Variants in E2F2 observed in about 807,000 individuals in gnomAD.
E2F2 encodes the protein transcription factor E2F2.
A neutral mutation model predicts 42.2 loss-of-function variants in E2F2; 22 were observed. That is an observed-to-expected ratio of 0.52 (90% CI 0.37 to 0.74). E2F2 has a LOEUF of 0.74. Among genes scored for constraint, E2F2 ranks in the 30% least tolerant of loss-of-function variants. The pLI, the probability that E2F2 is intolerant of heterozygous loss-of-function variation, is 0.00. For synonymous variants in E2F2, 248 were observed against 251.6 expected (o/e 0.99, Z 0.13); for missense variants, 481 against 557.8 (o/e 0.86, Z 1.39).
At position 23,528,579 on chromosome 1, in the gene E2F2, C is replaced by T. The variant is rs181839074; in HGVS notation, c.252+1963G>A. Among the ~76,000 whole-genome samples the T allele has an allele frequency of 7.2e-5, 11 of 152,298 alleles. No individual in the cohort carries two copies. The East Asian group carries it at 2.1e-3, about 29-fold the overall frequency. The stretch of plus-strand genomic sequence containing the variant: ...TGACTTCCTTTCTTTGCTCAGTTTC[C>T]TTATCTGCAAGGTGCCTCATTCTGG... On this transcript the variant is annotated intron_variant, in intron 1 of 6. Coordinates refer to ENST00000361729, the MANE Select transcript of E2F2 (RefSeq NM_004091.4).
At chr1:23,527,558 G>A (rs1007520977) in intron 1 of E2F2, among the ~76,000 whole-genome samples, 2 of 152,252 alleles carry the variant, frequency 1.3e-5, no homozygotes, top group Non-Finnish European at 2.9e-5. Flanking sequence ...GCACCACGGT[G>A]AGGAAACTGG....
chr1:23,524,010 G>C (rs1440247005), intron 2 of E2F2, among the ~76,000 whole-genome samples: 2 of 151,694 alleles, frequency 1.3e-5, no homozygotes, highest in Non-Finnish European at 2.9e-5. Flanking sequence ...AGAGGTGGAG[G>C]TTGCAGGGAG....
intron 5 of E2F2, among the ~76,000 whole-genome samples, chr1:23,516,976 T>C (rs1001948335): frequency 6.6e-6 from 1 of 152,062 alleles, no homozygotes; most frequent in Non-Finnish European, 1.5e-5. Context: ...CCCACTGGGG[T>C]TGCTGAGCTG....
chr1:23,524,154 C>T (rs949310727), intron 2 of E2F2, among the ~76,000 whole-genome samples: 1 of 151,860 alleles, frequency 6.6e-6, no homozygotes, highest in African/African-American at 2.4e-5. Flanking sequence ...GGCTCTAGTC[C>T]TGACTCCACT....
chr1:23,514,887 T>C (rs928833971), intron 6 of E2F2, among the ~76,000 whole-genome samples: 4 of 151,328 alleles, frequency 2.6e-5, no homozygotes, highest in African/African-American at 9.7e-5. Flanking sequence ...TGTGGGACAC[T>C]TGTGGTCTCT....
Position 23,530,805 on chromosome 1 carries a change from CG to C in E2F2, c.-13del. 6.7e-7 allele frequency: 1 copy of C among 1,496,048 alleles called. No homozygotes were observed. Among genetic ancestry groups the C allele is most frequent in the Non-Finnish European group, 8.9e-7 (1 of 1,118,846 alleles). The allele number at this position is 1,496,048 out of a possible 1,614,324, so 92.7% of individuals were successfully genotyped here. A position where few individuals can be genotyped will look rare whatever the true frequency, so the allele number is the denominator to read the frequency against. The stretch of plus-strand genomic sequence containing the variant: ...GGCCCTTGCAGCATAGCGAGTAAGG[CG>C]CCCCCTACCCAAAAGGGCTTGGCGC... On this transcript the variant is annotated 5_prime_UTR_variant, in exon 1 of 7. Transcript: ENST00000361729. The surrounding 1 kb of genome is among the most constrained non-coding windows in gnomAD (Gnocchi z 4.4).
chr1:23,524,986 A>T (rs891185579), intron 1 of E2F2, among the ~76,000 whole-genome samples: 2 of 152,132 alleles, frequency 1.3e-5, no homozygotes, highest in African/African-American at 4.8e-5. Flanking sequence ...ATCCGCCCAG[A>T]CCCAGGGGAC....
intron 1 of E2F2, among the ~76,000 whole-genome samples, chr1:23,525,085 G>A (rs1558254716): frequency 1.3e-5 from 2 of 152,218 alleles, no homozygotes; most frequent in African/African-American, 4.8e-5. Flanking sequence ...TCCAGCTTGA[G>A]GGCCCCAGGG....
At position 23,530,910 on chromosome 1, in the gene E2F2, C is replaced by T; in HGVS notation, c.-117G>A. On this transcript the variant is annotated 5_prime_UTR_variant, in exon 1 of 7. Transcript: ENST00000361729. The surrounding 1 kb of genome is among the most constrained non-coding windows in gnomAD (Gnocchi z 4.4). ...ATGGCGCGGAGGCCGGGGGAAGCCGCCAATGGACGCCTGCGGGGCAAGGCC... is the reference window on the plus strand; with the variant it reads ...ATGGCGCGGAGGCCGGGGGAAGCCGTCAATGGACGCCTGCGGGGCAAGGCC... The T allele has an allele frequency of 7.7e-7, 1 of 1,298,334 alleles. No individual in the cohort carries two copies. The highest frequency in any genetic ancestry group is 1.0e-6 in the Non-Finnish European group (1 of 989,752). 80.4% of individuals were successfully genotyped at this position (1,298,334 alleles called of 1,614,324 possible).
intron 5 of E2F2, among the ~76,000 whole-genome samples, chr1:23,516,800 G>C (rs1004298867): frequency 5.0e-5 from 2 of 40,088 alleles, no homozygotes; most frequent in Non-Finnish European, 1.5e-4. Flanking sequence ...TTTTGGGGCG[G>C]GGGGGGGGGG....
chr1:23,524,797 G>T (rs1207379901), intron 1 of E2F2, among the ~76,000 whole-genome samples: 1 of 152,166 alleles, frequency 6.6e-6, no homozygotes, highest in African/African-American at 2.4e-5. Context: ...GCCCTAAGCC[G>T]GCTCCTATAC....
intron 6 of E2F2, among the ~76,000 whole-genome samples, chr1:23,512,351 C>T (rs999992256): frequency 6.6e-6 from 1 of 152,148 alleles, no homozygotes; most frequent in African/African-American, 2.4e-5. Flanking sequence ...AGGCGTGGTT[C>T]AGCCTCCTTG....
intron 2 of E2F2, among the ~76,000 whole-genome samples, chr1:23,522,355 A>G (rs572548534): frequency 2.6e-4 from 40 of 152,158 alleles, no homozygotes; most frequent in Admixed American, 5.2e-4. Context: ...ACCACCCACA[A>G]CTACTGTCAC....
intron 2 of E2F2, among the ~76,000 whole-genome samples, chr1:23,523,850 G>A (rs1016926320): frequency 1.3e-5 from 2 of 152,036 alleles, no homozygotes; most frequent in Admixed American, 6.6e-5. Flanking sequence ...GAGGCGGGTG[G>A]ATCATTTGAG....
rs1405708641 is a variant in E2F2 at position 23,530,987 on chromosome 1, G to A, written c.-194C>T. ...GAGCAGAGAGCAGCGCTTAGAGATC[G>A]CCGCTTGGAGATCGCCCGGCGGCTG... On this transcript the variant is annotated 5_prime_UTR_variant, in exon 1 of 7. Coordinates refer to ENST00000361729, the MANE Select transcript of E2F2 (RefSeq NM_004091.4). This position sits in a 1 kb window ranked among gnomAD's most constrained non-coding sequence, Gnocchi z 4.4. The A allele has an allele frequency of 1.7e-6, 1 of 574,558 alleles. No individual in the cohort carries two copies. Among genetic ancestry groups the A allele is most frequent in the Non-Finnish European group, 2.7e-6 (1 of 370,710 alleles). The allele number at this position is 574,558 out of a possible 1,614,324, so 35.6% of individuals were successfully genotyped here.
At chr1:23,521,667 C>T (rs1643151521) in intron 3 of E2F2, 170 bp downstream of exon 3, 1 of 985,446 alleles carries the variant, frequency 1.0e-6, no homozygotes, top group South Asian at 4.7e-5. Context: ...TGGCTCTACC[C>T]CCAGCAATAA....
chr1:23,516,804 G>GA lies in E2F2; in HGVS notation c.853-278_853-277insT, dbSNP rs1184924916. On this transcript the variant is annotated intron_variant, in intron 5 of 6. Coordinates refer to ENST00000361729, the MANE Select transcript of E2F2 (RefSeq NM_004091.4). Reference sequence around the variant, plus strand: ...AGGTCATCTAGTTTTGGGGCGGGGGGGGGGGGGCAGCACCCTTCCCCAATG... The same window carrying GA: ...AGGTCATCTAGTTTTGGGGCGGGGGGAGGGGGGGCAGCACCCTTCCCCAATG... Among the ~76,000 whole-genome samples, 13 of 139,778 alleles carry GA rather than the reference G, an allele frequency of 9.3e-5. No homozygotes were observed. The East Asian group carries it at 1.5e-3, about 16-fold the overall frequency. The allele number at this position is 139,778 out of a possible 152,430, so 91.7% of individuals were successfully genotyped here. A position where few individuals can be genotyped will look rare whatever the true frequency, so the allele number is the denominator to read the frequency against.
intron 1 of E2F2, among the ~76,000 whole-genome samples, chr1:23,524,805 T>C (rs573337607): frequency 6.6e-6 from 1 of 152,316 alleles, no homozygotes; most frequent in South Asian, 2.1e-4. Context: ...CCGGCTCCTA[T>C]ACCTGCTCCT....
rs765021310 is a variant in E2F2 at position 23,530,822 on chromosome 1, G to T, written c.-29C>A. 4 of 1,452,432 alleles carry T rather than the reference G, an allele frequency of 2.8e-6. No homozygotes were observed. The highest frequency in any genetic ancestry group is 2.8e-5 in the Admixed American group (1 of 36,262). 90.0% of individuals were successfully genotyped at this position (1,452,432 alleles called of 1,614,324 possible). On this transcript the variant is annotated 5_prime_UTR_variant, in exon 1 of 7. Transcript: ENST00000361729. This position sits in a 1 kb window ranked among gnomAD's most constrained non-coding sequence, Gnocchi z 4.4. ...GAGTAAGGCGCCCCCTACCCAAAAG[G>T]GCTTGGCGCGCCCGCGGACACCTGC... is the stretch of plus-strand genomic sequence containing the variant.
Sources: gnomAD v4.1 joint callset for allele counts (sites outside exome capture counted in the v4.1 genomes callset) on GRCh38, gnomAD v4.1.1 for gene constraint, Gnocchi (gnomAD v3.1) non-coding constraint, MANE v1.5 for transcripts, NCBI Gene and HGNC (gene_info 2026-07-23, HGNC 2026-07-21) for gene names.